Variants in CPT1C observed in about 807,000 individuals in gnomAD.
The protein encoded by CPT1C is palmitoyl thioesterase CPT1C.
Under a neutral mutation model 97.3 loss-of-function variants are expected in CPT1C, and 61 were observed. That is an observed-to-expected ratio of 0.63 (90% CI 0.51 to 0.78). CPT1C has a LOEUF of 0.78. Ranked by LOEUF, CPT1C falls within the 30% of genes least tolerant of loss-of-function variation. The pLI, the probability that CPT1C is intolerant of heterozygous loss-of-function variation, is 0.00. For synonymous variants in CPT1C, 469 were observed against 447.2 expected (o/e 1.05, Z -0.61); for missense variants, 975 against 1,065.5 (o/e 0.92, Z 1.18).
At chr19:49,710,198 C>T (rs1444180261) in intron 14 of CPT1C, 122 bp from the exon 15 acceptor site, 3 of 931,694 alleles carry the variant, frequency 3.2e-6, no homozygotes, top group Non-Finnish European at 5.0e-6. Flanking sequence ...TTCTTTGTCC[C>T]CATTTCCATA....
At chr19:49,710,584 G>T (rs1481060939) in intron 15 of CPT1C, 100 bp downstream of exon 15, 1 of 1,572,458 alleles carries the variant, frequency 6.4e-7, no homozygotes, top group South Asian at 1.1e-5. Flanking sequence ...TGCCATTGTG[G>T]GTCGGCCATC....
intron 2 of CPT1C, 29 bp downstream of exon 2, chr19:49,691,918 G>A (rs2082370897): frequency 3.2e-6 from 1 of 310,926 alleles, no homozygotes; most frequent in Non-Finnish European, 6.1e-6. Flanking sequence ...GCTAGGTTAT[G>A]TAGTCCTGGG....
At chr19:49,693,060 GTATTTT>G (rs1423028214) in intron 3 of CPT1C, among the ~76,000 whole-genome samples, 1 of 152,136 alleles carries the variant, frequency 6.6e-6, no homozygotes, top group African/African-American at 2.4e-5. Context: ...GCTAATTTTT[GTATTTT>G]TAGTAGAGAC....
chr19:49,713,724 G>C lies in CPT1C; in HGVS notation c.*119G>C, dbSNP rs1437503934. Reference sequence around the variant, plus strand: ...CACATCCAGGCCAATAAAGATGTGTGAGCTGGGTGTGTGGTGTCTGCTATG... The same window carrying C: ...CACATCCAGGCCAATAAAGATGTGTCAGCTGGGTGTGTGGTGTCTGCTATG... On this transcript the variant is annotated 3_prime_UTR_variant, in exon 20 of 20. Transcript: ENST00000598293. The C allele has an allele frequency of 9.6e-6, 9 of 934,904 alleles. No individual in the cohort carries two copies. The highest frequency in any genetic ancestry group is 1.5e-5 in the Non-Finnish European group (9 of 618,458). 57.9% of individuals were successfully genotyped at this position (934,904 alleles called of 1,614,324 possible).
chr19:49,704,539 T>C, intron 7 of CPT1C, 171 bp from the exon 8 acceptor site: 1 of 614,460 alleles, frequency 1.6e-6, no homozygotes. Flanking sequence ...AGCTAACTGA[T>C]CCCCCATGGA....
At chr19:49,707,490 G>A in intron 12 of CPT1C, 28 bp from the exon 13 acceptor site, 1 of 1,557,912 alleles carries the variant, frequency 6.4e-7, no homozygotes, top group South Asian at 1.1e-5. Context: ...CCTCGCTCTT[G>A]GTGACCCATC....
chr19:49,698,089 G>A lies in CPT1C; in HGVS notation c.281+624G>A, dbSNP rs552908233. On this transcript the variant is annotated intron_variant, in intron 4 of 19. Transcript: ENST00000598293. Reference sequence around the variant, plus strand: ...AAAAAAAAGGTGTGAGCTTTGCTGGGCACAGTGGCTCATGCCTGTAATCCC... The same window carrying A: ...AAAAAAAAGGTGTGAGCTTTGCTGGACACAGTGGCTCATGCCTGTAATCCC... Among the ~76,000 whole-genome samples the A allele has an allele frequency of 1.6e-4, 24 of 151,190 alleles. No homozygotes were observed. In the South Asian group the frequency reaches 4.2e-3, roughly 26 times the overall value.
Position 49,706,123 on chromosome 19 carries a change from G to A in CPT1C, c.1160+19G>A, listed in dbSNP as rs1376267573. The A allele has an allele frequency of 1.2e-6, 2 of 1,602,114 alleles. No homozygotes were observed. The highest frequency in any genetic ancestry group is 1.7e-6 in the Non-Finnish European group (2 of 1,172,952). ...CTCCCAGGTAAGGGTCAGGGGTCAG[G>A]GGTCAGGGGCTCTCAGAGGCCGCCA... is the stretch of plus-strand genomic sequence containing the variant. On this transcript the variant is annotated intron_variant, in intron 11 of 19. Transcript: ENST00000598293. The surrounding 1 kb of genome is among the most constrained non-coding windows in gnomAD (Gnocchi z 4.8).
chr19:49,702,101 T>TTATTTATAAATTATAA, intron 7 of CPT1C, among the ~76,000 whole-genome samples: 1 of 86,388 alleles, frequency 1.2e-5, no homozygotes, highest in South Asian at 2.7e-4. Flanking sequence ...ATTTATAAAT[T>TTATTTATAAATTATAA]ATAAATATAT....
intron 4 of CPT1C, 169 bp downstream of exon 4, chr19:49,697,634 G>A: frequency 1.4e-6 from 1 of 715,472 alleles, no homozygotes; most frequent in Non-Finnish European, 2.2e-6. Flanking sequence ...GCCGGGCACA[G>A]TGGCTCACCC....
Position 49,692,739 on chromosome 19 carries a change from G to C in CPT1C, c.141+346G>C, listed in dbSNP as rs987090290. Among the ~76,000 whole-genome samples, 3 of 152,212 alleles carry C rather than the reference G, an allele frequency of 2.0e-5. No homozygotes were observed. The East Asian group carries it at 5.8e-4, about 29-fold the overall frequency. On this transcript the variant is annotated intron_variant, in intron 3 of 19. Transcript: ENST00000598293. ...ATCTCCAGCTTCTTTTGTAGTTGTT[G>C]TTTCTGAGACACAGTCTCACTCTGT...
chr19:49,713,668 CACA>C lies in CPT1C; in HGVS notation c.*64_*66del. 6.6e-7 allele frequency: 1 copy of C among 1,511,252 alleles called. No homozygotes were observed. The highest frequency in any genetic ancestry group is 9.0e-7 in the Non-Finnish European group (1 of 1,111,572). 93.6% of individuals were successfully genotyped at this position (1,511,252 alleles called of 1,614,324 possible). ...GGGTGAAATTGCCACAGCTGGCTGA[CACA>C]GGACAGGGGCAACTGGTTTGGCAAC... On this transcript the variant is annotated 3_prime_UTR_variant, in exon 20 of 20. Coordinates refer to ENST00000598293, the MANE Select transcript of CPT1C (RefSeq NM_001199753.2).
chr19:49,708,750 C>A lies in CPT1C; in HGVS notation c.1477C>A (p.Leu493Met), dbSNP rs771223811. The change falls in exon 14 of 20, where the codon CTG becomes ATG. Residue 493 changes from leucine to methionine, a missense_variant. By Grantham distance (15) the Leu-to-Met change is conservative. Around this residue, in one of 3 missense-constraint regions of CPT1C, gnomAD observed 35 missense variants for 66.6 expected, o/e 0.53. Transcript: ENST00000598293. ...EFTLATECFQ[L>M]GYSTDGHCKG... Reference sequence around the variant, plus strand: ...CACTCTGGCTACAGAATGCTTTCAGCTGGGCTACTCAACAGACGGCCACTG... The same window carrying A: ...CACTCTGGCTACAGAATGCTTTCAGATGGGCTACTCAACAGACGGCCACTG... The A allele has an allele frequency of 6.2e-6, 10 of 1,613,978 alleles. No homozygotes were observed. Among genetic ancestry groups the A allele is most frequent in the Non-Finnish European group, 7.6e-6 (9 of 1,179,922 alleles).
chr19:49,700,951 T>TCCCCCTCTCTCTGGGTCTCTTCC, intron 5 of CPT1C, 96 bp downstream of exon 5: 1 of 1,326,742 alleles, frequency 7.5e-7, no homozygotes, highest in Non-Finnish European at 1.1e-6. Flanking sequence ...TGGGTCTCTG[T>TCCCCCTCTCTCTGGGTCTCTTCC]CCCTCTCTCT....
chr19:49,712,951 C>T (rs775400628), intron 18 of CPT1C, 21 bp from the exon 19 acceptor site: 66 of 1,610,296 alleles, frequency 4.1e-5, no homozygotes, highest in Non-Finnish European at 5.0e-5. Context: ...ATTTTCTTCC[C>T]TTCACTCTTT....
Position 49,713,501 on chromosome 19 carries a change from C to G in CPT1C, c.2308C>G (p.Arg770Gly), listed in dbSNP as rs967995964. ...SLFQAGQHFKRRFRGSGKENS... is the reference protein window; with the variant it reads ...SLFQAGQHFKGRFRGSGKENS... ...GTTCCAGGCGGGACAGCATTTTAAG[C>G]GCCGGTTCAGAGGGTCAGGGAAGGA... is the stretch of plus-strand genomic sequence containing the variant. The change falls in exon 20 of 20, where the codon CGC (arginine) becomes GGC (glycine). Residue 770 changes from arginine (R) to glycine (G), a missense_variant. By Grantham distance (125) the Arg-to-Gly change is moderately radical. This residue lies in a region of CPT1C where 344 missense variants were observed against 395.7 expected (regional missense o/e 0.87). Transcript: ENST00000598293. The G allele has an allele frequency of 6.2e-7, 1 of 1,614,192 alleles. No individual in the cohort carries two copies. Among genetic ancestry groups the G allele is most frequent in the East Asian group, 2.2e-5 (1 of 44,886 alleles).
rs147177938 is a variant in CPT1C, at chr19:49,693,829, C to T, written c.141+1436C>T. Among the ~76,000 whole-genome samples the T allele has an allele frequency of 1.3e-4, 20 of 152,102 alleles. No homozygotes were observed. The East Asian group carries it at 3.5e-3, about 27-fold the overall frequency. On this transcript the variant is annotated intron_variant, in intron 3 of 19. Coordinates refer to ENST00000598293, the MANE Select transcript of CPT1C (RefSeq NM_001199753.2). ...ATCCCAACACTTTGGGAGGCTGAGA[C>T]GGACGGATCATGAGGTCAGGAGATC...
chr19:49,703,595 C>CCCTCCCTCCCTTTCTTCCTTCCTT (rs1383754956), intron 7 of CPT1C, among the ~76,000 whole-genome samples: 2 of 75,818 alleles, frequency 2.6e-5, no homozygotes, highest in African/African-American at 1.6e-4. Flanking sequence ...CTCCCTCCCT[C>CCCTCCCTCCCTTTCTTCCTTCCTT]CCTTCCTTCC....
chr19:49,708,763 C>T lies in CPT1C; in HGVS notation c.1490C>T (p.Thr497Ile), dbSNP rs1280346798. The change falls in exon 14 of 20, where the codon ACA becomes ATA. Residue 497 changes from threonine (T) to isoleucine (I), a missense_variant. Transcript: ENST00000598293. Reference protein sequence around the residue: ...ATECFQLGYSTDGHCKGHPDP... With the variant: ...ATECFQLGYSIDGHCKGHPDP... ...GAATGCTTTCAGCTGGGCTACTCAA[C>T]AGACGGCCACTGCAAGGGGCACCCG... 1 of 1,614,096 alleles carries T rather than the reference C, an allele frequency of 6.2e-7. No homozygotes were observed. Among genetic ancestry groups the T allele is most frequent in the Admixed American group, 1.7e-5 (1 of 59,996 alleles).
Sources: allele counts gnomAD v4.1 joint callset (sites outside exome capture counted in the v4.1 genomes callset), GRCh38; gene constraint gnomAD v4.1.1; regional missense constraint gnomAD v4.1.1; non-coding constraint Gnocchi (gnomAD v3.1); transcripts MANE v1.5; gene names NCBI Gene and HGNC (gene_info 2026-07-23, HGNC 2026-07-21).